Variants in HSPA9 observed in about 807,000 individuals in gnomAD.
HSPA9 encodes the protein stress-70 protein, mitochondrial.
Under a neutral mutation model 81.5 loss-of-function variants are expected in HSPA9, and 28 were observed. The ratio of observed to expected loss-of-function variants is 0.34; its 90% CI spans 0.25 to 0.47. HSPA9 has a LOEUF of 0.47. Ranked by LOEUF, HSPA9 falls within the 20% of genes least tolerant of loss-of-function variation. The pLI is 1.00. For missense variants in HSPA9, 678 were observed against 838.0 expected (o/e 0.81, Z 2.36); for synonymous variants, 293 against 290.4 (o/e 1.01, Z -0.09).
At chr5:138,570,658 G>C in intron 4 of HSPA9, 1 of 352,180 alleles carries the variant, frequency 2.8e-6, no homozygotes, top group Non-Finnish European at 5.5e-6. Flanking sequence ...GCTAATTTTT[G>C]TATTTTAGTA....
Position 138,566,721 on chromosome 5 carries a change from A to AT in HSPA9, c.880-4dup, listed in dbSNP as rs1218707352. On this transcript the variant is annotated splice_region_variant and splice_polypyrimidine_tract_variant and intron_variant, in intron 8 of 16. Transcript: ENST00000297185. ...TCTTTAGTCAAATCAACCCCTGTCT[A>AT]TAAAGTGAAGACATTGAACACCAAA... 6.2e-7 allele frequency: 1 copy of AT among 1,609,604 alleles called. No individual in the cohort carries two copies. The highest frequency in any genetic ancestry group is 2.2e-5 in the East Asian group (1 of 44,860).
At chr5:138,569,103 C>T in intron 4 of HSPA9, 54 bp from the exon 5 acceptor site, 1 of 1,551,594 alleles carries the variant, frequency 6.4e-7, no homozygotes, top group Non-Finnish European at 8.9e-7. Flanking sequence ...CTTACCATGA[C>T]AAAATTACCA....
chr5:138,560,074 C>G lies in HSPA9; in HGVS notation c.1200G>C (p.Gln400His). ...TACTTGGGGCTCTGCCAAAAAGATC[C>G]TGTACAGTCTGCTGAACCTGAACAT... Reference protein sequence around the residue: ...TRMPKVQQTVQDLFGRAPSKA... With the variant: ...TRMPKVQQTVHDLFGRAPSKA... The change falls in exon 11 of 17, where the codon CAG becomes CAC. Residue 400 changes from glutamine to histidine, a missense_variant. Physicochemically the swap from Gln to His is conservative, Grantham distance 24 (BLOSUM62 0). Coordinates refer to ENST00000297185, the MANE Select transcript of HSPA9 (RefSeq NM_004134.7). 1 of 1,614,028 alleles carries G rather than the reference C, an allele frequency of 6.2e-7. No individual in the cohort carries two copies. Among genetic ancestry groups the G allele is most frequent in the Non-Finnish European group, 8.5e-7 (1 of 1,179,950 alleles).
intron 7 of HSPA9, 21 bp downstream of exon 7, chr5:138,567,433 GA>G (rs1361571617): frequency 4.4e-6 from 7 of 1,580,102 alleles, no homozygotes; most frequent in Non-Finnish European, 4.4e-6. Flanking sequence ...ATCCAGGTGA[GA>G]AATTTACTGC....
intron 4 of HSPA9, among the ~76,000 whole-genome samples, chr5:138,569,830 G>A (rs1561861053): frequency 6.6e-6 from 1 of 151,744 alleles, no homozygotes; most frequent in Admixed American, 6.6e-5. Context: ...TAGGATTACA[G>A]ACATGAGCCA....
chr5:138,575,173 G>A (rs1751062156), intron 1 of HSPA9, 65 bp downstream of exon 1: 7 of 1,160,440 alleles, frequency 6.0e-6, no homozygotes, highest in East Asian at 4.9e-5. Flanking sequence ...GCGGCCTGCC[G>A]CAGCGAAGCC....
chr5:138,574,885 G>C (rs187559092), intron 1 of HSPA9: 1 of 369,270 alleles, frequency 2.7e-6, no homozygotes, highest in East Asian at 5.6e-5. Context: ...ATTCTGTAGA[G>C]GAGCCAAAAA....
chr5:138,571,595 G>C (rs918913870), intron 3 of HSPA9, among the ~76,000 whole-genome samples: 3 of 151,788 alleles, frequency 2.0e-5, no homozygotes, highest in Admixed American at 6.6e-5. Context: ...GATAGTTAAT[G>C]AACAGTAGAT....
chr5:138,572,264 T>G (rs1396706022), intron 3 of HSPA9, among the ~76,000 whole-genome samples: 1 of 149,774 alleles, frequency 6.7e-6, no homozygotes, highest in Non-Finnish European at 1.5e-5. Context: ...CTGCTTTGGT[T>G]GCTTAAGACT....
At chr5:138,562,916 A>T (rs1446923721) in intron 9 of HSPA9, among the ~76,000 whole-genome samples, 1 of 152,204 alleles carries the variant, frequency 6.6e-6, no homozygotes, top group Non-Finnish European at 1.5e-5. Context: ...ATCCATGGAG[A>T]GCAGCTGACA....
chr5:138,573,878 G>A (rs377340885), intron 2 of HSPA9, 28 bp from the exon 3 acceptor site: 184 of 1,557,460 alleles, frequency 1.2e-4, no homozygotes, highest in Non-Finnish European at 1.5e-4. Context: ...CAGTGTCACA[G>A]CTATTGTTAT....
intron 3 of HSPA9, among the ~76,000 whole-genome samples, chr5:138,571,354 G>T (rs991509513): frequency 2.6e-5 from 4 of 151,754 alleles, no homozygotes. Context: ...CTAATTTTTC[G>T]GCATTTTTTA....
intron 1 of HSPA9, among the ~76,000 whole-genome samples, chr5:138,574,575 G>T (rs897183058): frequency 1.3e-5 from 2 of 152,208 alleles, no homozygotes; most frequent in African/African-American, 4.8e-5. Context: ...AAAAGTAGTG[G>T]CGTTTCACTA....
intron 3 of HSPA9, among the ~76,000 whole-genome samples, chr5:138,572,443 T>C (rs768742387): frequency 5.9e-5 from 9 of 152,212 alleles, no homozygotes; most frequent in South Asian, 2.1e-4. Flanking sequence ...ATTTTCTAAA[T>C]TGAAACAAAG....
chr5:138,557,042 G>C (rs1419712182), intron 14 of HSPA9, 176 bp from the exon 15 acceptor site: 6 of 654,344 alleles, frequency 9.2e-6, no homozygotes, highest in African/African-American at 7.3e-5. Flanking sequence ...ATTTGGGCTA[G>C]ATTTTGTAAC....
At chr5:138,572,064 CT>C (rs1750916352) in intron 3 of HSPA9, among the ~76,000 whole-genome samples, 1 of 151,054 alleles carries the variant, frequency 6.6e-6, no homozygotes, top group African/African-American at 2.4e-5. Flanking sequence ...TCAGCTGATC[CT>C]CCCACCTTAG....
At chr5:138,570,460 A>G (rs537468186) in intron 4 of HSPA9, among the ~76,000 whole-genome samples, 17 of 152,336 alleles carry the variant, frequency 1.1e-4, no homozygotes, top group African/African-American at 3.6e-4. Flanking sequence ...ATGTCAATAC[A>G]TAGCAAAGAC....
At chr5:138,572,415 T>A in intron 3 of HSPA9, among the ~76,000 whole-genome samples, 1 of 152,188 alleles carries the variant, frequency 6.6e-6, no homozygotes, top group Middle Eastern at 3.2e-3. Flanking sequence ...GTTACTCTGG[T>A]AACCACCAAA....
At chr5:138,561,235 T>C (rs1750653123) in intron 10 of HSPA9, 1 of 367,632 alleles carries the variant, frequency 2.7e-6, no homozygotes, top group Non-Finnish European at 5.4e-6. Flanking sequence ...ATCCTAAAAA[T>C]TCTATGACTG....
Sources: allele counts gnomAD v4.1 joint callset (sites outside exome capture counted in the v4.1 genomes callset), GRCh38; gene constraint gnomAD v4.1.1; transcripts MANE v1.5; gene names NCBI Gene and HGNC (gene_info 2026-07-23, HGNC 2026-07-21).